RPL39L: variants seen among roughly 807,000 people sequenced by gnomAD.
RPL39L encodes the protein ribosomal protein eL39-like 2.
For synonymous variants in RPL39L, 16 were observed against 20.1 expected (o/e 0.80, Z 0.55); for missense variants, 48 against 58.9 (o/e 0.81, Z 0.61).
At chr3:187,122,501 C>G (rs1720330458) in intron 2 of RPL39L, among the ~76,000 whole-genome samples, 2 of 152,092 alleles carry the variant, frequency 1.3e-5, no homozygotes, top group Non-Finnish European at 2.9e-5. Context: ...AGATGTGACC[C>G]AAGCTATTAT....
intron 1 of RPL39L, among the ~76,000 whole-genome samples, chr3:187,131,152 C>T (rs1720477729): frequency 1.3e-5 from 2 of 152,194 alleles, no homozygotes; most frequent in South Asian, 4.1e-4. Context: ...TTTATCTCTT[C>T]TGTATTTGCG....
intron 2 of RPL39L, among the ~76,000 whole-genome samples, chr3:187,126,104 A>C (rs1720392681): frequency 6.6e-6 from 1 of 152,184 alleles, no homozygotes. Context: ...ATGTCTGATT[A>C]AACTTGTAGA....
Position 187,121,013 on chromosome 3 carries a change from A to G in RPL39L, c.*132T>C. 9.6e-7 allele frequency: 1 copy of G among 1,042,882 alleles called. No individual in the cohort carries two copies. Among genetic ancestry groups the G allele is most frequent in the Non-Finnish European group, 1.4e-6 (1 of 698,056 alleles). 64.6% of individuals were successfully genotyped at this position (1,042,882 alleles called of 1,614,324 possible). A position where few individuals can be genotyped will look rare whatever the true frequency, so the allele number is the denominator to read the frequency against. ...ACCCTACTAGCACAGAGCATACAGA[A>G]AAACAGAAAAAAATATTCCCAGTAA... On this transcript the variant is annotated 3_prime_UTR_variant, in exon 3 of 3. Coordinates refer to ENST00000296277, the MANE Select transcript of RPL39L (RefSeq NM_052969.3).
At chr3:187,132,979 T>C (rs1720511617) in intron 1 of RPL39L, among the ~76,000 whole-genome samples, 1 of 152,210 alleles carries the variant, frequency 6.6e-6, no homozygotes, top group African/African-American at 2.4e-5. Context: ...AAGTACCTCA[T>C]ACACTGATAA....
rs370079939 is a variant in RPL39L, at chr3:187,139,472, G to C, written c.-352C>G. On this transcript the variant is annotated 5_prime_UTR_variant, in exon 1 of 3. Coordinates refer to ENST00000296277, the MANE Select transcript of RPL39L (RefSeq NM_052969.3). Reference sequence around the variant, plus strand: ...CCTCGCTGGGCGCAGCAATTCAACCGCCGCGCGCCGGATGCTAAGACCGCG... The same window carrying C: ...CCTCGCTGGGCGCAGCAATTCAACCCCCGCGCGCCGGATGCTAAGACCGCG... The C allele has an allele frequency of 2.0e-5, 3 of 152,150 alleles. No individual in the cohort carries two copies. Among genetic ancestry groups the C allele is most frequent in the African/African-American group, 7.2e-5 (3 of 41,444 alleles). The allele number at this position is 152,150 out of a possible 1,614,324, so 9.4% of individuals were successfully genotyped here.
chr3:187,137,586 G>A (rs1354793500), intron 1 of RPL39L, among the ~76,000 whole-genome samples: 1 of 151,572 alleles, frequency 6.6e-6, no homozygotes, highest in South Asian at 2.1e-4. Flanking sequence ...GCTGATGCGG[G>A]CAGATCATCT....
chr3:187,138,677 G>A (rs1560202905), intron 1 of RPL39L, among the ~76,000 whole-genome samples: 1 of 152,164 alleles, frequency 6.6e-6, no homozygotes, highest in Non-Finnish European at 1.5e-5. Context: ...AGGTGGCAGG[G>A]CGGAACATGG....
At chr3:187,125,890 C>T (rs1720387999) in intron 2 of RPL39L, among the ~76,000 whole-genome samples, 1 of 152,128 alleles carries the variant, frequency 6.6e-6, no homozygotes, top group Non-Finnish European at 1.5e-5. Context: ...ATTAGGCACA[C>T]CTCTGCACTT....
intron 2 of RPL39L, among the ~76,000 whole-genome samples, chr3:187,124,932 G>A (rs1212897568): frequency 6.6e-6 from 1 of 152,180 alleles, no homozygotes; most frequent in Non-Finnish European, 1.5e-5. Context: ...TCAGTTGACT[G>A]AGCAACCTCA....
chr3:187,138,988 G>A (rs1375112715), intron 1 of RPL39L, among the ~76,000 whole-genome samples: 2 of 151,916 alleles, frequency 1.3e-5, no homozygotes, highest in African/African-American at 4.8e-5. Flanking sequence ...GAATCCGGAG[G>A]CGGAGGTTGC....
At chr3:187,121,773 G>A (rs1236732864) in intron 2 of RPL39L, among the ~76,000 whole-genome samples, 1 of 152,150 alleles carries the variant, frequency 6.6e-6, no homozygotes, top group Non-Finnish European at 1.5e-5. Context: ...GATATTATAA[G>A]AGCCTTCCAG....
chr3:187,131,076 AT>A (rs1237990657), intron 1 of RPL39L, among the ~76,000 whole-genome samples: 1 of 152,220 alleles, frequency 6.6e-6, no homozygotes, highest in Non-Finnish European at 1.5e-5. Flanking sequence ...TCAAAGTGGT[AT>A]TTAAAAGGCT....
At chr3:187,138,380 T>C (rs1720622083) in intron 1 of RPL39L, among the ~76,000 whole-genome samples, 1 of 152,188 alleles carries the variant, frequency 6.6e-6, no homozygotes, top group South Asian at 2.1e-4. Flanking sequence ...TCAGGGTTTA[T>C]GTCTCTGGAT....
chr3:187,126,031 A>C (rs1720391329), intron 2 of RPL39L, among the ~76,000 whole-genome samples: 1 of 152,226 alleles, frequency 6.6e-6, no homozygotes, highest in Non-Finnish European at 1.5e-5. Flanking sequence ...ATATTTTTAA[A>C]TATGGAACTC....
intron 1 of RPL39L, among the ~76,000 whole-genome samples, chr3:187,137,198 CAAAA>C (rs33967617): frequency 2.1e-3 from 80 of 37,634 alleles, no homozygotes; most frequent in African/African-American, 7.0e-3. Context: ...CACTCTTCCT[CAAAA>C]AAAAAAAAAA....
At chr3:187,132,067 C>G (rs1720492616) in intron 1 of RPL39L, among the ~76,000 whole-genome samples, 2 of 152,138 alleles carry the variant, frequency 1.3e-5, no homozygotes, top group African/African-American at 4.8e-5. Flanking sequence ...TTCCTTGAGG[C>G]TGCCTACCAC....
At chr3:187,138,078 T>C (rs1227474197) in intron 1 of RPL39L, among the ~76,000 whole-genome samples, 2 of 152,286 alleles carry the variant, frequency 1.3e-5, no homozygotes, top group East Asian at 3.9e-4. Context: ...TCTCAGTTAA[T>C]AGAAGCATCC....
At chr3:187,121,581 A>G (rs1342550913) in intron 2 of RPL39L, among the ~76,000 whole-genome samples, 1 of 152,130 alleles carries the variant, frequency 6.6e-6, no homozygotes, top group Non-Finnish European at 1.5e-5. Flanking sequence ...ACTTGATGCT[A>G]CTCATTTCTC....
chr3:187,123,000 G>A (rs1720338244), intron 2 of RPL39L, among the ~76,000 whole-genome samples: 5 of 152,140 alleles, frequency 3.3e-5, no homozygotes, highest in Admixed American at 2.6e-4. Flanking sequence ...TTGAAAAATG[G>A]GGTGGAAAAA....
Sources: gnomAD v4.1 joint callset for allele counts (sites outside exome capture counted in the v4.1 genomes callset) on GRCh38, gnomAD v4.1.1 for gene constraint, MANE v1.5 for transcripts, NCBI Gene and HGNC (gene_info 2026-07-23, HGNC 2026-07-21) for gene names.